CPEB3: variants seen among roughly 807,000 people sequenced by gnomAD.
The protein encoded by CPEB3 is cytoplasmic polyadenylation element binding protein 3, also known as cytoplasmic polyadenylation element-binding protein 3.
A neutral mutation model predicts 67.2 loss-of-function variants in CPEB3; 20 were observed. The ratio of observed to expected loss-of-function variants is 0.30; its 90% confidence interval spans 0.21 to 0.43. CPEB3 has a LOEUF of 0.43. Ranked by LOEUF, CPEB3 falls within the 20% of genes least tolerant of loss-of-function variation. The pLI is 1.00. For synonymous variants in CPEB3, 376 were observed against 393.1 expected, an observed-to-expected ratio of 0.96 and a Z score of 0.51; for missense variants, 746 against 968.6, an observed-to-expected ratio of 0.77 and a Z score of 3.05.
chr10:92,102,907 T>C (rs1345637040), intron 7 of CPEB3, among the ~76,000 whole-genome samples: 1 of 152,214 alleles, frequency 6.6e-6, no homozygotes. Context: ...CATATGTCTA[T>C]TTCCCTCTAT....
At chr10:92,106,371 GA>G (rs1844454520) in intron 7 of CPEB3, among the ~76,000 whole-genome samples, 1 of 152,038 alleles carries the variant, frequency 6.6e-6, no homozygotes, top group Admixed American at 6.6e-5. Flanking sequence ...TGGTCTGAAG[GA>G]AGGCACACCA....
intron 9 of CPEB3, among the ~76,000 whole-genome samples, chr10:92,072,783 G>A (rs1230639369): frequency 6.6e-6 from 1 of 152,138 alleles, no homozygotes; most frequent in Non-Finnish European, 1.5e-5. Flanking sequence ...GCCTGTGACT[G>A]CCCCACTCTA....
chr10:92,275,910 G>A (rs958842558), intron 1 of CPEB3, among the ~76,000 whole-genome samples: 6 of 140,988 alleles, frequency 4.3e-5, no homozygotes, highest in Admixed American at 3.9e-4. Flanking sequence ...GTGCAGTGTC[G>A]CGATCTTGGC....
At chr10:92,107,060 A>C (rs1844505649) in intron 7 of CPEB3, among the ~76,000 whole-genome samples, 1 of 152,170 alleles carries the variant, frequency 6.6e-6, no homozygotes, top group South Asian at 2.1e-4. Context: ...AAAGTGCTAC[A>C]GATCCCACTC....
chr10:92,197,640 T>A (rs1849304651), intron 2 of CPEB3, among the ~76,000 whole-genome samples: 1 of 152,230 alleles, frequency 6.6e-6, no homozygotes, highest in Admixed American at 6.5e-5. Context: ...TGTTGTCAGT[T>A]AGCTGTACAC....
At chr10:92,253,880 T>C (rs1852411008) in intron 1 of CPEB3, among the ~76,000 whole-genome samples, 1 of 152,162 alleles carries the variant, frequency 6.6e-6, no homozygotes, top group Admixed American at 6.5e-5. Context: ...AGGGGTTCCC[T>C]ATGTGCCAGG....
At position 92,050,879 on chromosome 10, in the gene CPEB3, T is replaced by C. The variant is rs1841873820; in HGVS notation, c.*1333A>G. On this transcript the variant is annotated 3_prime_UTR_variant, in exon 10 of 10. Coordinates refer to ENST00000265997, the MANE Select transcript of CPEB3 (RefSeq NM_014912.5). ...CAAGGTCTGAAGCTATGTAAAATGG[T>C]GCAAGCACTAAGAGATTGTAACTAA... The C allele has an allele frequency of 6.6e-6, 1 of 152,670 alleles. No homozygotes were observed. The highest frequency in any genetic ancestry group is 1.5e-5 in the Non-Finnish European group (1 of 68,040). The allele number at this position is 152,670 out of a possible 1,614,324, so 9.5% of individuals were successfully genotyped here. A position where few individuals can be genotyped will look rare whatever the true frequency, so the allele number is the denominator to read the frequency against.
At chr10:92,211,729 G>C (rs998622325) in intron 2 of CPEB3, among the ~76,000 whole-genome samples, 3 of 150,678 alleles carry the variant, frequency 2.0e-5, no homozygotes, top group Non-Finnish European at 2.9e-5. Context: ...TTTTAGTAGA[G>C]ACCGGGTTTC....
At chr10:92,269,336 T>C (rs1254376693) in intron 1 of CPEB3, among the ~76,000 whole-genome samples, 1 of 152,152 alleles carries the variant, frequency 6.6e-6, no homozygotes, top group Non-Finnish European at 1.5e-5. Flanking sequence ...TAGGAAGTTT[T>C]AGTATACCAA....
At chr10:92,210,472 A>G (rs1441545719) in intron 2 of CPEB3, among the ~76,000 whole-genome samples, 3 of 152,262 alleles carry the variant, frequency 2.0e-5, no homozygotes, top group Non-Finnish European at 4.4e-5. Flanking sequence ...CTGAATGTGT[A>G]TAAAAAATTA....
chr10:92,112,332 A>G (rs531556547), intron 6 of CPEB3, among the ~76,000 whole-genome samples: 1 of 151,968 alleles, frequency 6.6e-6, no homozygotes, highest in Non-Finnish European at 1.5e-5. Flanking sequence ...TTTAGTAGAG[A>G]CAGGGTTTCA....
chr10:92,193,321 T>C (rs1010481196), intron 2 of CPEB3, among the ~76,000 whole-genome samples: 1 of 152,052 alleles, frequency 6.6e-6, no homozygotes, highest in Non-Finnish European at 1.5e-5. Context: ...AATTGCAGAG[T>C]GACTTTCTCG....
chr10:92,250,548 A>G (rs1258111100), intron 1 of CPEB3, among the ~76,000 whole-genome samples: 1 of 152,204 alleles, frequency 6.6e-6, no homozygotes, highest in East Asian at 1.9e-4. Flanking sequence ...ACAGTAGTAT[A>G]TAGTAAAATC....
chr10:92,188,452 T>C (rs1377177378), intron 3 of CPEB3, among the ~76,000 whole-genome samples: 1 of 151,618 alleles, frequency 6.6e-6, no homozygotes, highest in South Asian at 2.1e-4. Context: ...CTGGGCGCAG[T>C]GGCTCATGCC....
intron 9 of CPEB3, 75 bp downstream of exon 9, chr10:92,081,245 G>A: frequency 6.7e-7 from 1 of 1,488,084 alleles, no homozygotes; most frequent in South Asian, 1.1e-5. Flanking sequence ...ATCATAAGGT[G>A]CCTTTCTTCC....
At chr10:92,232,443 A>G (rs930705567) in intron 2 of CPEB3, among the ~76,000 whole-genome samples, 2 of 152,090 alleles carry the variant, frequency 1.3e-5, no homozygotes, top group African/African-American at 4.8e-5. Context: ...GGATGGCATT[A>G]CACCTTATAC....
At chr10:92,173,544 T>G (rs1441091278) in intron 4 of CPEB3, among the ~76,000 whole-genome samples, 1 of 152,126 alleles carries the variant, frequency 6.6e-6, no homozygotes, top group Non-Finnish European at 1.5e-5. Flanking sequence ...ACACCGAATT[T>G]GCATGTTTGT....
chr10:92,199,479 T>G (rs1849405140), intron 2 of CPEB3, among the ~76,000 whole-genome samples: 1 of 149,378 alleles, frequency 6.7e-6, no homozygotes, highest in Non-Finnish European at 1.5e-5. Flanking sequence ...GATCAAGAGG[T>G]CAGGAGTTCG....
chr10:92,213,423 T>C (rs990117937), intron 2 of CPEB3, among the ~76,000 whole-genome samples: 5 of 152,334 alleles, frequency 3.3e-5, no homozygotes, highest in African/African-American at 4.8e-5. Flanking sequence ...TTGAAAAGGG[T>C]AATTTATAAA....
Sources: allele counts gnomAD v4.1 joint callset (sites outside exome capture counted in the v4.1 genomes callset), GRCh38; gene constraint gnomAD v4.1.1; transcripts MANE v1.5; gene names NCBI Gene and HGNC (gene_info 2026-07-23, HGNC 2026-07-21).